HADHB: variants seen among roughly 807,000 people sequenced by gnomAD.
HADHB encodes trifunctional enzyme subunit beta, mitochondrial.
A neutral mutation model predicts 61.9 loss-of-function variants in HADHB; 50 were observed. That is an observed-to-expected ratio of 0.81 (90% CI 0.64 to 1.02). The LOEUF is 1.02. Among genes scored for constraint, HADHB ranks in the 50% least tolerant of loss-of-function variants. The pLI is 0.00. For missense variants in HADHB, 504 were observed against 586.5 expected, an observed-to-expected ratio of 0.86 and a Z score of 1.45; for synonymous variants, 191 against 201.6, an observed-to-expected ratio of 0.95 and a Z score of 0.45.
chr2:26,267,912 G>A (rs1333750514), intron 4 of HADHB, among the ~76,000 whole-genome samples: 1 of 151,754 alleles, frequency 6.6e-6, no homozygotes, highest in Non-Finnish European at 1.5e-5. Flanking sequence ...GGCTGAGGTA[G>A]GAGGATTGCT....
chr2:26,280,375 A>C (rs1361803324), intron 10 of HADHB, among the ~76,000 whole-genome samples: 1 of 152,146 alleles, frequency 6.6e-6, no homozygotes, highest in Non-Finnish European at 1.5e-5. Context: ...TCTATTGCTT[A>C]TGGTGGGCCC....
intron 5 of HADHB, among the ~76,000 whole-genome samples, chr2:26,272,645 G>A (rs899648345): frequency 6.6e-6 from 1 of 150,466 alleles, no homozygotes; most frequent in Admixed American, 6.6e-5. Flanking sequence ...CACTGTGCCC[G>A]GCTGATATGG....
At chr2:26,266,734 G>A (rs1672094531) in intron 4 of HADHB, among the ~76,000 whole-genome samples, 1 of 151,736 alleles carries the variant, frequency 6.6e-6, no homozygotes, top group African/African-American at 2.4e-5. Context: ...ACAAAAATTA[G>A]CCAGGCATGG....
At chr2:26,265,437 A>G (rs948724775) in intron 4 of HADHB, among the ~76,000 whole-genome samples, 5 of 152,158 alleles carry the variant, frequency 3.3e-5, no homozygotes, top group Non-Finnish European at 7.4e-5. Context: ...CTCTACTAAA[A>G]ATACAAAAAT....
At chr2:26,261,155 G>T in intron 3 of HADHB, 1 of 683,452 alleles carries the variant, frequency 1.5e-6, no homozygotes, top group Non-Finnish European at 2.6e-6. Flanking sequence ...CTGTAAGCAG[G>T]GCAACTCCCT....
chr2:26,274,351 C>T (rs1574659407), intron 6 of HADHB, among the ~76,000 whole-genome samples: 1 of 152,208 alleles, frequency 6.6e-6, no homozygotes, highest in East Asian at 1.9e-4. Context: ...GTCTTCTGGG[C>T]TGTGTTTTCA....
At chr2:26,274,471 A>G (rs907851222) in intron 6 of HADHB, among the ~76,000 whole-genome samples, 13 of 152,192 alleles carry the variant, frequency 8.5e-5, no homozygotes, top group African/African-American at 3.1e-4. Flanking sequence ...TATCACTGTC[A>G]ACTGAGAGAC....
At chr2:26,277,029 C>T (rs1349496455) in intron 6 of HADHB, 44 bp from the exon 7 acceptor site, 2 of 927,494 alleles carry the variant, frequency 2.2e-6, no homozygotes, top group Admixed American at 1.7e-5. Context: ...TTACATGATG[C>T]CCTTCCCTTA....
In HADHB at chr2:26,279,171, A is replaced by G. The variant is rs772738545; in HGVS notation, c.667A>G (p.Met223Val). 5 of 1,614,042 alleles carry G rather than the reference A, an allele frequency of 3.1e-6. No homozygotes were observed. Among genetic ancestry groups the G allele is most frequent in the South Asian group, 1.1e-5 (1 of 91,066 alleles). Residue 223 changes from methionine (M) to valine (V), a missense_variant, in exon 9 of 16, where the codon ATG (methionine) becomes GTG (valine). Met to Val is a conservative substitution (Grantham distance 21, BLOSUM62 1). Transcript: ENST00000317799. Reference sequence around the variant, plus strand: ...TTCTGAGTTCTCCACCAGTGAGACCATGGGCCACTCTGCAGACCGACTGGC... The same window carrying G: ...TTCTGAGTTCTCCACCAGTGAGACCGTGGGCCACTCTGCAGACCGACTGGC... ...AVSEFSTSET[M>V]GHSADRLAAA...
intron 10 of HADHB, 144 bp downstream of exon 10, chr2:26,280,259 T>TA (rs57205063): frequency 0.062 from 33,415 of 542,112 alleles, no homozygotes; most frequent in South Asian, 0.079. Flanking sequence ...GTGGAGTCAT[T>TA]AAAAAAAAAA....
intron 5 of HADHB, among the ~76,000 whole-genome samples, chr2:26,270,619 CTTA>C (rs1672298424): frequency 6.6e-6 from 1 of 151,968 alleles, no homozygotes; most frequent in Non-Finnish European, 1.5e-5. Flanking sequence ...TTTCTGTTTC[CTTA>C]TTATTAGTTT....
At chr2:26,245,648 A>C (rs1039133650) in intron 1 of HADHB, among the ~76,000 whole-genome samples, 29 of 152,044 alleles carry the variant, frequency 1.9e-4, no homozygotes, top group African/African-American at 6.8e-4. Context: ...ATGTAGTAGA[A>C]ATAAGACTGG....
intron 1 of HADHB, among the ~76,000 whole-genome samples, chr2:26,252,036 G>A (rs1456903241): frequency 1.3e-5 from 2 of 152,180 alleles, no homozygotes; most frequent in African/African-American, 2.4e-5. Flanking sequence ...TAGAGGCTCC[G>A]CTTCCAAGCT....
chr2:26,269,012 G>C (rs2147815537), intron 4 of HADHB, among the ~76,000 whole-genome samples: 1 of 152,198 alleles, frequency 6.6e-6, no homozygotes, highest in East Asian at 1.9e-4. Context: ...AGCTGGGCGT[G>C]GTGGTGGGTG....
chr2:26,248,482 A>G (rs754781972), intron 1 of HADHB, among the ~76,000 whole-genome samples: 4 of 152,032 alleles, frequency 2.6e-5, no homozygotes, highest in Non-Finnish European at 2.9e-5. Flanking sequence ...ATTTTACGCT[A>G]GAGACCTATA....
intron 1 of HADHB, among the ~76,000 whole-genome samples, chr2:26,253,766 T>C (rs1671493772): frequency 6.6e-6 from 1 of 151,494 alleles, no homozygotes. Context: ...GGCAGGAGAA[T>C]CGACTGAACC....
In HADHB at chr2:26,244,958, T is replaced by A. The variant is rs1283170981; in HGVS notation, c.-41T>A. 9.5e-6 allele frequency: 3 copies of A among 316,374 alleles called. No homozygotes were observed. Among genetic ancestry groups the A allele is most frequent in the Non-Finnish European group, 1.9e-5 (3 of 160,626 alleles). The allele number at this position is 316,374 out of a possible 1,614,324, so 19.6% of individuals were successfully genotyped here. The stretch of plus-strand genomic sequence containing the variant: ...CTTGGTACTTGGACCTGAACCTTGC[T>A]CCGAGAGGGAGTCCTCGCGGACGTC... On this transcript the variant is annotated 5_prime_UTR_variant, in exon 1 of 16. Coordinates refer to ENST00000317799, the MANE Select transcript of HADHB (RefSeq NM_000183.3).
intron 1 of HADHB, among the ~76,000 whole-genome samples, chr2:26,248,056 T>C (rs892628795): frequency 6.6e-6 from 1 of 151,982 alleles, no homozygotes; most frequent in African/African-American, 2.4e-5. Context: ...TCTTTTCTCT[T>C]TCTCTCTTTC....
chr2:26,284,496 T>A (rs1161540671), intron 13 of HADHB, among the ~76,000 whole-genome samples: 2 of 151,186 alleles, frequency 1.3e-5, no homozygotes, highest in African/African-American at 4.9e-5. Context: ...AGAGTCTTGC[T>A]CTGTTGCCCC....
Sources: gnomAD v4.1 joint callset for allele counts (sites outside exome capture counted in the v4.1 genomes callset) on GRCh38, gnomAD v4.1.1 for gene constraint, MANE v1.5 for transcripts, NCBI Gene and HGNC (gene_info 2026-07-23, HGNC 2026-07-21) for gene names.